MARK3: variants seen among roughly 807,000 people sequenced by gnomAD.
MARK3 encodes microtubule affinity regulating kinase 3.
A neutral mutation model predicts 90.1 loss-of-function variants in MARK3; 46 were observed. The ratio of observed to expected loss-of-function variants is 0.51; its 90% confidence interval spans 0.40 to 0.65. MARK3 has a LOEUF of 0.65. Among genes scored for constraint, MARK3 ranks in the 30% least tolerant of loss-of-function variants. The pLI is 0.00. For synonymous variants in MARK3, 321 were observed against 332.6 expected (o/e 0.97, Z 0.38); for missense variants, 818 against 947.2 (o/e 0.86, Z 1.79).
intron 7 of MARK3, among the ~76,000 whole-genome samples, chr14:103,464,202 T>A (rs931051502): frequency 7.9e-5 from 12 of 152,122 alleles, no homozygotes; most frequent in African/African-American, 2.4e-4. Context: ...TCTGTCTTGT[T>A]CATCATTATC....
chr14:103,494,522 C>T (rs1595940350), intron 15 of MARK3, among the ~76,000 whole-genome samples: 1 of 94,606 alleles, frequency 1.1e-5, no homozygotes, highest in African/African-American at 4.5e-5. Context: ...CCAGCCTGGG[C>T]AACAACAGTG....
chr14:103,481,332 A>T (rs2093814381), intron 14 of MARK3, among the ~76,000 whole-genome samples: 1 of 152,172 alleles, frequency 6.6e-6, no homozygotes, highest in Non-Finnish European at 1.5e-5. Flanking sequence ...TTTAACTTGA[A>T]CATTGTTTGC....
At chr14:103,447,470 T>C (rs1214486913) in intron 3 of MARK3, among the ~76,000 whole-genome samples, 1 of 152,154 alleles carries the variant, frequency 6.6e-6, no homozygotes, top group Non-Finnish European at 1.5e-5. Context: ...CCAAGGTTTT[T>C]CCCCGCTTTT....
intron 1 of MARK3, among the ~76,000 whole-genome samples, chr14:103,397,872 G>A (rs1361521497): frequency 6.6e-6 from 1 of 152,078 alleles, no homozygotes; most frequent in Non-Finnish European, 1.5e-5. Flanking sequence ...TGATCCATGT[G>A]AGACTATCTT....
intron 3 of MARK3, among the ~76,000 whole-genome samples, chr14:103,429,653 A>C (rs984330615): frequency 2.6e-5 from 4 of 152,198 alleles, no homozygotes; most frequent in African/African-American, 4.8e-5. Context: ...GTGGGCATGA[A>C]ACATCTAAAA....
intron 3 of MARK3, among the ~76,000 whole-genome samples, chr14:103,429,687 G>C (rs916766964): frequency 6.6e-6 from 1 of 152,192 alleles, no homozygotes; most frequent in Non-Finnish European, 1.5e-5. Flanking sequence ...GTCCTGAAGA[G>C]TAAATTTTAT....
intron 2 of MARK3, among the ~76,000 whole-genome samples, chr14:103,409,503 GT>G (rs1252993181): frequency 2.8e-5 from 4 of 144,922 alleles, no homozygotes; most frequent in Admixed American, 6.9e-5. Flanking sequence ...CTCTTGTGGG[GT>G]TTTTTTTGCC....
At chr14:103,462,489 T>C (rs1456939027) in intron 7 of MARK3, 28 bp downstream of exon 7, 2 of 1,553,336 alleles carry the variant, frequency 1.3e-6, no homozygotes, top group East Asian at 2.3e-5. Context: ...ACTCAGTGTA[T>C]GCTCTGTCTG....
intron 3 of MARK3, chr14:103,429,144 T>G (rs1271024127): frequency 6.6e-6 from 1 of 152,250 alleles, no homozygotes; most frequent in Non-Finnish European, 1.5e-5. Flanking sequence ...ATCCTTCTAG[T>G]TGTTTTTAGC....
chr14:103,425,027 A>C (rs972133785), intron 2 of MARK3, among the ~76,000 whole-genome samples: 2 of 150,476 alleles, frequency 1.3e-5, no homozygotes, highest in African/African-American at 4.9e-5. Flanking sequence ...TGCAACCTCT[A>C]CCTCCCAAAT....
intron 3 of MARK3, among the ~76,000 whole-genome samples, chr14:103,443,302 T>C (rs752806349): frequency 9.2e-5 from 14 of 152,178 alleles, no homozygotes; most frequent in Non-Finnish European, 1.9e-4. Context: ...TGTTCAGCTG[T>C]TCCAGAACTT....
At chr14:103,421,311 C>CG (rs1253679544) in intron 2 of MARK3, among the ~76,000 whole-genome samples, 1 of 152,150 alleles carries the variant, frequency 6.6e-6, no homozygotes, top group Non-Finnish European at 1.5e-5. Flanking sequence ...CCCCCAGAAG[C>CG]AATGATTTCG....
intron 14 of MARK3, among the ~76,000 whole-genome samples, chr14:103,488,350 C>G (rs1488248699): frequency 6.6e-6 from 1 of 152,174 alleles, no homozygotes; most frequent in Admixed American, 6.6e-5. Context: ...CAAGCAGAAG[C>G]CCTCAGGTGG....
chr14:103,437,573 C>T (rs1416644629), intron 3 of MARK3, among the ~76,000 whole-genome samples: 1 of 152,210 alleles, frequency 6.6e-6, no homozygotes, highest in Non-Finnish European at 1.5e-5. Context: ...CAGGCACACA[C>T]CACCATACCC....
intron 17 of MARK3, among the ~76,000 whole-genome samples, chr14:103,500,819 G>A (rs1595972177): frequency 1.3e-5 from 2 of 151,862 alleles, no homozygotes. Context: ...TGGGGGTCTC[G>A]CCATGTTGGC....
chr14:103,454,775 A>G (rs2093238025), intron 5 of MARK3, among the ~76,000 whole-genome samples: 1 of 152,210 alleles, frequency 6.6e-6, no homozygotes, highest in South Asian at 2.1e-4. Flanking sequence ...TTTACAGATG[A>G]AACTGAAGCT....
At position 103,412,636 on chromosome 14, in the gene MARK3, G is replaced by A. The variant is rs1258448785; in HGVS notation, c.243+7369G>A. ...CCGAGAAGCGCTTGTCCTTCTGGGG[G>A]TCATAGTTCTTCAAGCTGATCTGCA... On this transcript the variant is annotated intron_variant, in intron 2 of 17. Transcript: ENST00000429436. 9.6e-6 allele frequency: 10 copies of A among 1,037,350 alleles called. No individual in the cohort carries two copies. The Admixed American group carries it at 1.4e-4, about 14-fold the overall frequency. 64.3% of individuals were successfully genotyped at this position (1,037,350 alleles called of 1,614,324 possible).
chr14:103,461,687 G>A (rs1263867250), intron 6 of MARK3, among the ~76,000 whole-genome samples: 1 of 152,150 alleles, frequency 6.6e-6, no homozygotes, highest in Admixed American at 6.6e-5. Context: ...TAACACCTGG[G>A]TATGGGCAAC....
chr14:103,412,182 GT>G (rs2091682307), intron 2 of MARK3: 2 of 1,357,436 alleles, frequency 1.5e-6, no homozygotes, highest in Admixed American at 1.9e-5. Context: ...CATTCTGCCA[GT>G]TTTTTCTCGA....
Sources: gnomAD v4.1 joint callset for allele counts (sites outside exome capture counted in the v4.1 genomes callset) on GRCh38, gnomAD v4.1.1 for gene constraint, MANE v1.5 for transcripts, NCBI Gene and HGNC (gene_info 2026-07-23, HGNC 2026-07-21) for gene names.